Variants in WDR44 observed in about 807,000 individuals in gnomAD.
WDR44 encodes the protein WD repeat domain 44, also known as WD repeat-containing protein 44.
In WDR44, 9 loss-of-function variants were observed where a neutral mutation model predicts 65.7. That is an observed-to-expected ratio of 0.14 (90% CI 0.08 to 0.24). The LOEUF is 0.24. WDR44 is among the 10% of genes least tolerant of loss of function. The pLI is 1.00. For missense variants in WDR44, 425 were observed against 670.9 expected (o/e 0.63, Z 4.05); for synonymous variants, 220 against 235.2 (o/e 0.94, Z 0.59).
At chrX:118,442,021 C>T (rs2057308340) in intron 15 of WDR44, among the ~76,000 whole-genome samples, 1 of 112,089 alleles carries the variant, frequency 8.9e-6, no homozygotes, top group African/African-American at 3.2e-5. Flanking sequence ...GGATTATAGG[C>T]GTGAGCCACC....
intron 12 of WDR44, among the ~76,000 whole-genome samples, chrX:118,421,669 A>G (rs2057106272): frequency 8.9e-6 from 1 of 111,915 alleles, no homozygotes; most frequent in African/African-American, 3.2e-5. Flanking sequence ...AAAGTATTGT[A>G]CAGTCGAACA....
chrX:118,378,644 G>C (rs1422463428), intron 2 of WDR44, among the ~76,000 whole-genome samples, 192 bp downstream of exon 2: 2 of 109,545 alleles, frequency 1.8e-5, no homozygotes, highest in East Asian at 5.7e-4. Flanking sequence ...TGTAAAGAAG[G>C]AACTGTAAGT....
intron 1 of WDR44, among the ~76,000 whole-genome samples, chrX:118,373,771 A>G (rs2147681284): frequency 9.0e-6 from 1 of 111,295 alleles, no homozygotes; most frequent in African/African-American, 3.3e-5. Flanking sequence ...TACAATGTAA[A>G]TGACCTAATC....
intron 9 of WDR44, among the ~76,000 whole-genome samples, chrX:118,405,299 A>G (rs12719940): frequency 0.27 from 29,029 of 108,284 alleles, 3,184 homozygotes; most frequent in African/African-American, 0.4. Context: ...ACCTCCCAAA[A>G]TGCTGGAATT....
At chrX:118,406,592 C>T (rs2056969898) in intron 9 of WDR44, among the ~76,000 whole-genome samples, 1 of 110,934 alleles carries the variant, frequency 9.0e-6, no homozygotes, top group African/African-American at 3.3e-5. Flanking sequence ...CATAGAAACC[C>T]TATGAGGTAA....
At chrX:118,354,540 A>G (rs775626040) in intron 1 of WDR44, among the ~76,000 whole-genome samples, 96 of 111,597 alleles carry the variant, frequency 8.6e-4, no homozygotes, top group Non-Finnish European at 1.5e-3. Context: ...AAATTTTTCA[A>G]AGGGGGAGTC....
Position 118,346,530 on chromosome X carries a change from A to G in WDR44, c.27A>G (p.Glu9=), listed in dbSNP as rs183873076. 8.4e-5 allele frequency: 101 copies of G among 1,204,810 alleles called. 1 individual carries two copies. In the Admixed American group the frequency reaches 2.2e-3, roughly 26 times the overall value. Residue 9 remains glutamate, a synonymous_variant, in exon 1 of 20, where the codon GAA becomes GAG. Coordinates refer to ENST00000254029, the MANE Select transcript of WDR44 (RefSeq NM_019045.5). The part of the protein sequence containing the change: MASESDTE[E]FYDAPEDVHL... ...TGGCGTCGGAAAGCGACACCGAGGA[A>G]TTCTATGATGCCCCTGAAGATGTGC...
rs757932447 is a variant in WDR44, at chrX:118,391,706, A to G, written c.187-926A>G. ...TAAGCTACATATAAGAAAGGGGGCCAGGCGCAGTGGCTCATGCCTGTAATC... is the reference window on the plus strand; with the variant it reads ...TAAGCTACATATAAGAAAGGGGGCCGGGCGCAGTGGCTCATGCCTGTAATC... On this transcript the variant is annotated intron_variant, in intron 3 of 19. Transcript: ENST00000254029. Among the ~76,000 whole-genome samples, 4 of 112,413 alleles carry G rather than the reference A, an allele frequency of 3.6e-5. No homozygotes were observed. In the South Asian group the frequency reaches 1.5e-3, roughly 42 times the overall value.
chrX:118,445,017 C>T lies in WDR44; in HGVS notation c.2647+523C>T, dbSNP rs1390978489. ...AGAATTAAAAATGAGAAATTTGGGC[C>T]TGGTGCGGTGGCTCACACCTGTAAT... is the stretch of plus-strand genomic sequence containing the variant. On this transcript the variant is annotated intron_variant, in intron 19 of 19. Coordinates refer to ENST00000254029, the MANE Select transcript of WDR44 (RefSeq NM_019045.5). The T allele has an allele frequency of 1.8e-5, 6 of 327,795 alleles. No homozygotes were observed. The East Asian group carries it at 3.9e-4, about 22-fold the overall frequency. The allele number at this position is 327,795 out of a possible 1,213,427, so 27.0% of individuals were successfully genotyped here.
intron 14 of WDR44, 69 bp downstream of exon 14, chrX:118,436,893 G>C: frequency 1.2e-5 from 12 of 1,019,990 alleles, no homozygotes; most frequent in Non-Finnish European, 1.5e-5. Flanking sequence ...TTCTCTAGAG[G>C]GCAATTGGAC....
chrX:118,436,652 G>A (rs963586668), intron 13 of WDR44, 50 bp from the exon 14 acceptor site: 22 of 1,159,473 alleles, frequency 1.9e-5, no homozygotes, highest in Non-Finnish European at 2.5e-5. Flanking sequence ...TGTATAAATA[G>A]GGTTCTTTTT....
intron 14 of WDR44, among the ~76,000 whole-genome samples, chrX:118,438,434 T>G (rs1429136527): frequency 9.0e-6 from 1 of 110,955 alleles, no homozygotes; most frequent in African/African-American, 3.3e-5. Context: ...TCTTTTCTTT[T>G]TATTTATCTA....
chrX:118,353,212 T>C (rs1171601107), intron 1 of WDR44, among the ~76,000 whole-genome samples: 2 of 111,663 alleles, frequency 1.8e-5, no homozygotes. Flanking sequence ...CTCTTTCTAT[T>C]CCCTTATTTC....
chrX:118,446,901 G>T (rs763944876), intron 19 of WDR44, among the ~76,000 whole-genome samples: 6 of 109,135 alleles, frequency 5.5e-5, no homozygotes, highest in African/African-American at 1.7e-4. Context: ...ACATGGTGTC[G>T]CTCTGTTGCC....
At chrX:118,396,148 G>A (rs2056864263) in intron 6 of WDR44, among the ~76,000 whole-genome samples, 1 of 111,108 alleles carries the variant, frequency 9.0e-6, no homozygotes, top group Admixed American at 9.6e-5. Context: ...GCACCTATTA[G>A]CCAACTTATT....
intron 3 of WDR44, among the ~76,000 whole-genome samples, chrX:118,388,433 A>G (rs1222345871): frequency 9.0e-6 from 1 of 111,114 alleles, no homozygotes. Context: ...GGTGTATGCC[A>G]CCATGCCTGG....
chrX:118,406,748 A>G (rs1034831843), intron 9 of WDR44, 127 bp from the exon 10 acceptor site: 9 of 604,434 alleles, frequency 1.5e-5, no homozygotes, highest in Middle Eastern at 5.7e-4. Context: ...TTTAACCAGT[A>G]TGTTATATAA....
At chrX:118,384,949 C>T (rs956143570) in intron 2 of WDR44, among the ~76,000 whole-genome samples, 1 of 111,406 alleles carries the variant, frequency 9.0e-6, no homozygotes, top group Non-Finnish European at 1.9e-5. Context: ...GGAGTTTATT[C>T]CTGATTTGGC....
At chrX:118,410,065 C>T (rs751321416) in intron 11 of WDR44, among the ~76,000 whole-genome samples, 1 of 112,215 alleles carries the variant, frequency 8.9e-6, no homozygotes, top group South Asian at 3.7e-4. Flanking sequence ...AGAGAAGCCT[C>T]AGAACATTAT....
Sources: allele counts gnomAD v4.1 joint callset (sites outside exome capture counted in the v4.1 genomes callset), GRCh38; gene constraint gnomAD v4.1.1; transcripts MANE v1.5; gene names NCBI Gene and HGNC (gene_info 2026-07-23, HGNC 2026-07-21).